Variants in FIG4 observed in about 807,000 individuals in gnomAD.
FIG4 encodes the protein polyphosphoinositide phosphatase.
A neutral mutation model predicts 118.6 loss-of-function variants in FIG4; 112 were observed. That is an observed-to-expected ratio of 0.94 (90% CI 0.81 to 1.11). The LOEUF (loss-of-function observed/expected upper bound fraction) is 1.11. Ranked by LOEUF, FIG4 falls within the 50% of genes least tolerant of loss-of-function variation. The pLI is 0.00. For synonymous variants in FIG4, 369 were observed against 381.2 expected (o/e 0.97, Z 0.37); for missense variants, 969 against 1,111.7 (o/e 0.87, Z 1.83).
chr6:109,785,714 A>T (rs774572167), intron 17 of FIG4: 1 of 470,578 alleles, frequency 2.1e-6, no homozygotes, highest in South Asian at 1.6e-5. Flanking sequence ...GCTCCAATTG[A>T]GGACTCCATC....
At chr6:109,802,115 G>A (rs7743976) in intron 22 of FIG4, among the ~76,000 whole-genome samples, 92,616 of 152,030 alleles carry the variant, frequency 0.61, 30,640 homozygotes, top group African/African-American at 0.86. Context: ...CTCACTCCAG[G>A]AATTACCAAG....
rs148023545 is a variant in FIG4 at position 109,699,756 on chromosome 6, G to A, written c.66+8255G>A. Among the ~76,000 whole-genome samples the A allele has an allele frequency of 1.9e-3, 287 of 152,100 alleles. 2 individuals carry two copies. Among genetic ancestry groups the A allele is most frequent in the African/African-American group, 6.6e-3 (273 of 41,502 alleles). Reference sequence around the variant, plus strand: ...TGACTTCAAGTGATTTGCCTGCCTCGGCCTCCCAAAGTGCTGGGATTACAG... The same window carrying A: ...TGACTTCAAGTGATTTGCCTGCCTCAGCCTCCCAAAGTGCTGGGATTACAG... On this transcript the variant is annotated intron_variant, in intron 1 of 22. Transcript: ENST00000230124.
chr6:109,771,461 C>CTTTTTT (rs71018367), intron 15 of FIG4, among the ~76,000 whole-genome samples: 39 of 86,028 alleles, frequency 4.5e-4, no homozygotes, highest in East Asian at 1.2e-3. Context: ...TCCTCTAATT[C>CTTTTTT]TTTTTTTTTT....
chr6:109,787,231 C>G (rs2128396411), intron 18 of FIG4, among the ~76,000 whole-genome samples: 1 of 152,150 alleles, frequency 6.6e-6, no homozygotes, highest in South Asian at 2.1e-4. Flanking sequence ...GAAAATCGAG[C>G]AAAGAAAATT....
At chr6:109,806,163 C>T (rs1179641187) in intron 22 of FIG4, among the ~76,000 whole-genome samples, 2 of 152,096 alleles carry the variant, frequency 1.3e-5, no homozygotes, top group Non-Finnish European at 2.9e-5. Context: ...TCTTCTTAGA[C>T]TTTGTCATGC....
intron 15 of FIG4, among the ~76,000 whole-genome samples, chr6:109,770,784 A>G (rs1222374585): frequency 6.6e-6 from 1 of 152,322 alleles, no homozygotes; most frequent in South Asian, 2.1e-4. Flanking sequence ...ACCTTCCGCC[A>G]GACTCCATCT....
intron 22 of FIG4, among the ~76,000 whole-genome samples, chr6:109,824,394 A>G (rs1455484823): frequency 6.6e-6 from 1 of 152,210 alleles, no homozygotes. Context: ...AGACACATTA[A>G]TATTCACGGG....
intron 10 of FIG4, among the ~76,000 whole-genome samples, chr6:109,753,528 T>C (rs1362436150): frequency 6.6e-6 from 1 of 152,174 alleles, no homozygotes; most frequent in East Asian, 1.9e-4. Flanking sequence ...ATAAATTACC[T>C]TGGGCAATAG....
chr6:109,781,079 A>G (rs1434856102), intron 16 of FIG4, among the ~76,000 whole-genome samples: 1 of 152,090 alleles, frequency 6.6e-6, no homozygotes, highest in East Asian at 1.9e-4. Context: ...CCCTAGGGAG[A>G]GAGAGAGGTA....
Position 109,764,896 on chromosome 6 carries a change from T to TTTTTGTTTTTGC in FIG4, c.1435-106_1435-105insCTTTTGTTTTTG. The TTTTTGTTTTTGC allele has an allele frequency of 2.5e-5, 17 of 692,350 alleles. 1 individual carries two copies. The South Asian group carries it at 2.6e-4, about 11-fold the overall frequency. 42.9% of individuals were successfully genotyped at this position (692,350 alleles called of 1,614,324 possible). On this transcript the variant is annotated intron_variant, in intron 13 of 22. Transcript: ENST00000230124. ...AGGAATAATACCTGCCCACAGACTT[T>TTTTTGTTTTTGC]TTTTGTTTTTGTTTTTGTTTTTGTT... is the stretch of plus-strand genomic sequence containing the variant.
chr6:109,823,582 T>C (rs975527890), intron 22 of FIG4, among the ~76,000 whole-genome samples: 1 of 152,124 alleles, frequency 6.6e-6, no homozygotes, highest in Non-Finnish European at 1.5e-5. Context: ...ACTGTACAAC[T>C]TCCATCTTCC....
At chr6:109,743,649 G>A in intron 9 of FIG4, 26 bp from the exon 10 acceptor site, 1 of 1,567,694 alleles carries the variant, frequency 6.4e-7, no homozygotes, top group East Asian at 2.2e-5. Flanking sequence ...TCATTCAGGT[G>A]CTTTTTCATC....
intron 1 of FIG4, among the ~76,000 whole-genome samples, chr6:109,694,950 G>A (rs943514477): frequency 3.3e-5 from 5 of 152,174 alleles, no homozygotes; most frequent in Non-Finnish European, 5.9e-5. Context: ...ATGCTGGTGA[G>A]GATATGGAGA....
chr6:109,808,799 G>T (rs575895847), intron 22 of FIG4, among the ~76,000 whole-genome samples: 1 of 152,200 alleles, frequency 6.6e-6, no homozygotes, highest in African/African-American at 2.4e-5. Context: ...GTGAAAATTA[G>T]AATTTTTGAA....
At chr6:109,821,901 T>C (rs566869710) in intron 22 of FIG4, among the ~76,000 whole-genome samples, 75 of 152,224 alleles carry the variant, frequency 4.9e-4, no homozygotes, top group African/African-American at 1.7e-3. Flanking sequence ...GAGGCCGGGT[T>C]CAGTGGCTCG....
Position 109,795,595 on chromosome 6 carries a change from C to CTTTTTTT in FIG4, c.2460-1150_2460-1144dup, listed in dbSNP as rs72384711. 4.2e-4 allele frequency among the ~76,000 whole-genome samples: 29 copies of CTTTTTTT among 69,538 alleles called. 5 individuals carry two copies. Among genetic ancestry groups the CTTTTTTT allele is most frequent in the Middle Eastern group, 0.015 (1 of 68 alleles). 45.6% of individuals were successfully genotyped at this position (69,538 alleles called of 152,430 possible). ...GAAATCTGTTCTTTTGGTTTCAGTC[C>CTTTTTTT]TTTTTTTTTTTTTTTTTTTTTTTTT... On this transcript the variant is annotated intron_variant, in intron 21 of 22. Transcript: ENST00000230124.
At chr6:109,767,655 G>C (rs1777320805) in intron 15 of FIG4, among the ~76,000 whole-genome samples, 1 of 152,146 alleles carries the variant, frequency 6.6e-6, no homozygotes, top group Non-Finnish European at 1.5e-5. Context: ...CGGATCACGA[G>C]GTCAGGAGAT....
At chr6:109,774,970 A>AT (rs964543319) in intron 15 of FIG4, among the ~76,000 whole-genome samples, 2 of 152,094 alleles carry the variant, frequency 1.3e-5, no homozygotes, top group African/African-American at 4.8e-5. Flanking sequence ...TCAAAAATGA[A>AT]TTTTTTTCTC....
intron 22 of FIG4, among the ~76,000 whole-genome samples, chr6:109,801,361 A>G (rs1414028596): frequency 6.6e-6 from 1 of 152,018 alleles, no homozygotes; most frequent in African/African-American, 2.4e-5. Flanking sequence ...CAGCCTGACC[A>G]GTATGGTGAA....
Sources: gnomAD v4.1 joint callset for allele counts (sites outside exome capture counted in the v4.1 genomes callset) on GRCh38, gnomAD v4.1.1 for gene constraint, MANE v1.5 for transcripts, NCBI Gene and HGNC (gene_info 2026-07-23, HGNC 2026-07-21) for gene names.